The following PIKFYVE variants were observed in gnomAD, a reference collection of about 807,000 sequenced individuals.
PIKFYVE encodes phosphoinositide kinase, FYVE-type zinc finger containing.
Under a neutral mutation model 257.9 loss-of-function variants are expected in PIKFYVE, and 122 were observed. The ratio of observed to expected loss-of-function variants is 0.47; its 90% CI spans 0.41 to 0.55. The LOEUF (loss-of-function observed/expected upper bound fraction) is 0.55. Ranked by LOEUF, PIKFYVE falls within the 20% of genes least tolerant of loss-of-function variation. The probability of loss-of-function intolerance (pLI) is 0.00; values close to 1 mark genes in which losing one functional copy is unlikely to be tolerated. For missense variants in PIKFYVE, 2,160 were observed against 2,536.6 expected, an observed-to-expected ratio of 0.85 and a Z score of 3.19; for synonymous variants, 892 against 868.9, an observed-to-expected ratio of 1.03 and a Z score of -0.47.
intron 9 of PIKFYVE, among the ~76,000 whole-genome samples, chr2:208,301,765 A>G (rs1693713015): frequency 1.3e-5 from 2 of 152,190 alleles, no homozygotes; most frequent in Admixed American, 1.3e-4. Context: ...GGGGGATGAA[A>G]TAATAGTGGC....
intron 7 of PIKFYVE, among the ~76,000 whole-genome samples, chr2:208,290,313 TC>T (rs1198022864): frequency 1.3e-5 from 2 of 152,236 alleles, no homozygotes; most frequent in Non-Finnish European, 2.9e-5. Context: ...CAATCATTAA[TC>T]TTTTTTACTG....
At position 208,330,002 on chromosome 2, in the gene PIKFYVE, G is replaced by C. The variant is rs1412398116; in HGVS notation, c.3791+89G>C. On this transcript the variant is annotated intron_variant, in intron 22 of 41. Coordinates refer to ENST00000264380, the MANE Select transcript of PIKFYVE (RefSeq NM_015040.4). ...AACGTAAACATGAGTCGGATGTTAA[G>C]TGACTGTTACATGATCCTCACTTTC... 4 of 1,527,990 alleles carry C rather than the reference G, an allele frequency of 2.6e-6. No homozygotes were observed. In the African/African-American group the frequency reaches 5.5e-5, roughly 21 times the overall value. The allele number at this position is 1,527,990 out of a possible 1,614,324, so 94.7% of individuals were successfully genotyped here. A position where few individuals can be genotyped will look rare whatever the true frequency, so the allele number is the denominator to read the frequency against.
In PIKFYVE at chr2:208,333,400, A is replaced by G. The variant is rs1473569373; in HGVS notation, c.4049A>G (p.Tyr1350Cys). 3 of 1,614,100 alleles carry G rather than the reference A, an allele frequency of 1.9e-6. No homozygotes were observed. Among genetic ancestry groups the G allele is most frequent in the Admixed American group, 1.7e-5 (1 of 60,024 alleles). ...YLELRFYGHQ[Y>C]TRRANAEPCG... is the part of the protein sequence containing the mutation. Reference sequence around the variant, plus strand: ...GAACTTAGGTTTTATGGGCACCAGTATACTCGCAGAGCCAACGCTGAGCCC... The same window carrying G: ...GAACTTAGGTTTTATGGGCACCAGTGTACTCGCAGAGCCAACGCTGAGCCC... The change falls in exon 24 of 42, where the codon TAT becomes TGT. Residue 1350 changes from tyrosine (Y) to cysteine (C), a missense_variant. Around this residue, in one of 12 missense-constraint regions of PIKFYVE, gnomAD observed 699 missense variants for 855.8 expected, o/e 0.82. Transcript: ENST00000264380.
rs760153573 is a variant in PIKFYVE at position 208,302,344 on chromosome 2, A to G, written c.1311A>G (p.Arg437=). ...TCAGAGATGAGTATGCGCTGTATAG[A>G]CCACTGCAGGTACTTTTCAGTGTTT... The part of the protein sequence containing the change: ...QLFRDEYALY[R]PLQSTEFSET... The change falls in exon 10 of 42, where the codon AGA becomes AGG. Residue 437 remains arginine, a synonymous_variant. Transcript: ENST00000264380. The G allele has an allele frequency of 6.2e-7, 1 of 1,613,678 alleles. No individual in the cohort carries two copies. The highest frequency in any genetic ancestry group is 8.5e-7 in the Non-Finnish European group (1 of 1,179,642).
At chr2:208,351,032 A>G (rs549094866) in intron 37 of PIKFYVE, 85 bp downstream of exon 37, 9 of 1,533,724 alleles carry the variant, frequency 5.9e-6, no homozygotes, top group African/African-American at 1.4e-5. Context: ...ATATTGCTTA[A>G]TAAGAACTTT....
In PIKFYVE at chr2:208,339,552, G is replaced by A. The variant is rs1481563546; in HGVS notation, c.4807G>A (p.Glu1603Lys). 5.6e-6 allele frequency: 9 copies of A among 1,614,118 alleles called. No individual in the cohort carries two copies. The highest frequency in any genetic ancestry group is 1.7e-5 in the Admixed American group (1 of 60,026). ...PPELDTASSS[E>K]DVFDGHLLGS... is the part of the protein sequence containing the mutation. Reference sequence around the variant, plus strand: ...TGAGCTAGATACAGCCAGCAGTTCCGAAGGTAGAGGTTAAGTCACTTTTAC... The same window carrying A: ...TGAGCTAGATACAGCCAGCAGTTCCAAAGGTAGAGGTTAAGTCACTTTTAC... The change falls in exon 30 of 42, where the codon GAA becomes AAA. Residue 1603 changes from glutamate to lysine, a missense_variant. Physicochemically the swap from Glu to Lys is moderately conservative, Grantham distance 56 (BLOSUM62 1). Transcript: ENST00000264380.
intron 1 of PIKFYVE, among the ~76,000 whole-genome samples, chr2:208,267,144 A>G (rs953906869): frequency 6.6e-6 from 1 of 152,240 alleles, no homozygotes; most frequent in African/African-American, 2.4e-5. Flanking sequence ...TTCATTATCT[A>G]CTATTGACGC....
At chr2:208,280,287 T>C (rs1306379612) in intron 5 of PIKFYVE, among the ~76,000 whole-genome samples, 1 of 152,138 alleles carries the variant, frequency 6.6e-6, no homozygotes, top group African/African-American at 2.4e-5. Flanking sequence ...GGAACAAATA[T>C]AGGGATTCTG....
intron 38 of PIKFYVE, among the ~76,000 whole-genome samples, chr2:208,351,777 C>T (rs1699797098): frequency 1.3e-5 from 2 of 152,148 alleles, no homozygotes; most frequent in Admixed American, 1.3e-4. Context: ...TTTAACTAAC[C>T]AGATCTTGCG....
At chr2:208,323,208 C>T (rs961145349) in intron 17 of PIKFYVE, among the ~76,000 whole-genome samples, 1 of 149,676 alleles carries the variant, frequency 6.7e-6, no homozygotes, top group Non-Finnish European at 1.5e-5. Flanking sequence ...GTGCTGTACC[C>T]ATTAACTCGT....
intron 33 of PIKFYVE, 61 bp from the exon 34 acceptor site, chr2:208,345,989 T>A (rs1375250191): frequency 8.4e-7 from 1 of 1,193,936 alleles, no homozygotes; most frequent in African/African-American, 1.5e-5. Context: ...GTAGAGTACT[T>A]ACTATTTTCT....
intron 17 of PIKFYVE, among the ~76,000 whole-genome samples, chr2:208,322,658 C>A: frequency 6.6e-6 from 1 of 150,830 alleles, no homozygotes; most frequent in East Asian, 1.9e-4. Context: ...AAAATTTAGT[C>A]TAAGATTGAT....
intron 7 of PIKFYVE, among the ~76,000 whole-genome samples, chr2:208,294,040 G>A (rs1361690046): frequency 6.6e-6 from 1 of 151,804 alleles, no homozygotes; most frequent in Non-Finnish European, 1.5e-5. Context: ...TCTTTTTTCG[G>A]TATTCCCATT....
chr2:208,289,868 A>G (rs750595559), intron 7 of PIKFYVE, among the ~76,000 whole-genome samples: 4 of 152,160 alleles, frequency 2.6e-5, no homozygotes, highest in Non-Finnish European at 2.9e-5. Context: ...GCATCTGGCC[A>G]TCGTTTTTTA....
In PIKFYVE at chr2:208,335,313, C is replaced by T. The variant is rs1168755673; in HGVS notation, c.4150C>T (p.Pro1384Ser). 4 of 1,598,108 alleles carry T rather than the reference C, an allele frequency of 2.5e-6. No homozygotes were observed. The highest frequency in any genetic ancestry group is 3.4e-6 in the Non-Finnish European group (4 of 1,165,752). Residue 1384 changes from proline (P) to serine (S), a missense_variant, in exon 25 of 42, where the codon CCC (proline) becomes TCC (serine). By Grantham distance (74) the Pro-to-Ser change is moderately conservative. Coordinates refer to ENST00000264380, the MANE Select transcript of PIKFYVE (RefSeq NM_015040.4). ...CTTGTATTTTCTTCTCAGTTATTCT[C>T]CCATTCGGCTTCTTGAAGTATGTGT... ...NQMVASFSYS[P>S]IRLLEVCVPL...
chr2:208,275,873 G>T (rs1055566114), intron 3 of PIKFYVE, among the ~76,000 whole-genome samples: 1 of 152,154 alleles, frequency 6.6e-6, no homozygotes, highest in African/African-American at 2.4e-5. Flanking sequence ...TTTTGTAACT[G>T]CCAGAAATAG....
intron 35 of PIKFYVE, among the ~76,000 whole-genome samples, chr2:208,348,276 A>G (rs1273518424): frequency 1.3e-5 from 2 of 152,182 alleles, no homozygotes; most frequent in Non-Finnish European, 2.9e-5. Flanking sequence ...GTAAAGTGGC[A>G]AAAACAATGT....
rs941282140 is a variant in PIKFYVE, at chr2:208,299,023, A to G, written c.1050+244A>G. Among the ~76,000 whole-genome samples the G allele has an allele frequency of 3.3e-5, 5 of 151,998 alleles. No individual in the cohort carries two copies. In the East Asian group the frequency reaches 9.7e-4, roughly 30 times the overall value. On this transcript the variant is annotated intron_variant, in intron 8 of 41. Transcript: ENST00000264380. The stretch of plus-strand genomic sequence containing the variant: ...ACACCTAATTTTTTGTATTTTTAGT[A>G]GAGACATGGTTTCGCCCTGTTGGCT...
At chr2:208,300,634 C>G (rs985772480) in intron 8 of PIKFYVE, among the ~76,000 whole-genome samples, 1 of 152,204 alleles carries the variant, frequency 6.6e-6, no homozygotes, top group Non-Finnish European at 1.5e-5. Flanking sequence ...TTGTCTCCCT[C>G]TGCCTTGCCC....
Sources: allele counts gnomAD v4.1 joint callset (sites outside exome capture counted in the v4.1 genomes callset), GRCh38; gene constraint gnomAD v4.1.1; regional missense constraint gnomAD v4.1.1; transcripts MANE v1.5; gene names NCBI Gene and HGNC (gene_info 2026-07-23, HGNC 2026-07-21).